Variants in TULP4 observed in about 807,000 individuals in gnomAD.
TULP4 encodes the protein TUB like protein 4.
In TULP4, 16 loss-of-function variants were observed where a neutral mutation model predicts 129.0. The observed-to-expected ratio is 0.12, with a 90% CI of 0.08 to 0.19. The LOEUF (loss-of-function observed/expected upper bound fraction) is 0.19, where lower values mean the gene tolerates loss of function less well. Among genes scored for constraint, TULP4 ranks in the 10% least tolerant of loss-of-function variants. The pLI is 1.00. For synonymous variants in TULP4, 998 were observed against 854.0 expected, an observed-to-expected ratio of 1.17 and a Z score of -2.94; for missense variants, 1,842 against 2,059.1, an observed-to-expected ratio of 0.89 and a Z score of 2.04.
At chr6:158,494,485 C>T (rs117307534) in intron 10 of TULP4, among the ~76,000 whole-genome samples, 5,811 of 152,210 alleles carry the variant, frequency 0.038, 155 homozygotes, top group South Asian at 0.075. Context: ...TCCCTTTCTA[C>T]GCCTCTTTAA....
upstream of TULP4, among the ~76,000 whole-genome samples, chr6:158,279,573 T>C (rs1393096664): frequency 1.3e-5 from 2 of 152,330 alleles, no homozygotes; most frequent in East Asian, 3.9e-4. Flanking sequence ...GCTTACATCG[T>C]ACAAAAATTA....
chr6:158,261,489 G>A (rs971069460), intron 1 of TULP4, among the ~76,000 whole-genome samples: 2 of 152,152 alleles, frequency 1.3e-5, no homozygotes, highest in South Asian at 2.1e-4. Flanking sequence ...GAGCAGTCTC[G>A]GAACCTCTTG....
At chr6:158,397,100 C>A (rs1383128970) in intron 1 of TULP4, among the ~76,000 whole-genome samples, 3 of 152,154 alleles carry the variant, frequency 2.0e-5, no homozygotes, top group African/African-American at 7.2e-5. Flanking sequence ...CAGAGGGAAT[C>A]CATGGGAAAT....
chr6:158,242,617 T>G, intron 1 of TULP4: 1 of 706,976 alleles, frequency 1.4e-6, no homozygotes, highest in Non-Finnish European at 2.6e-6. Flanking sequence ...TTGGTGCAAG[T>G]ATTGATGACA....
At chr6:158,474,680 A>G (rs1273723571) in intron 6 of TULP4, among the ~76,000 whole-genome samples, 3 of 152,204 alleles carry the variant, frequency 2.0e-5, no homozygotes, top group Non-Finnish European at 4.4e-5. Context: ...ATACTGAGAT[A>G]CAGGTTGAGT....
At chr6:158,260,291 CAGATATATTCTTTCTACCACATCCATGAT>C (rs1778327496) in intron 1 of TULP4, among the ~76,000 whole-genome samples, 1 of 152,204 alleles carries the variant, frequency 6.6e-6, no homozygotes, top group South Asian at 2.1e-4. Flanking sequence ...GGGCAAAACC[CAGATATATTCTTTCTACCACATCCATGAT>C]TTAGATAAAA....
At chr6:158,414,268 G>C (rs991943578) in intron 2 of TULP4, among the ~76,000 whole-genome samples, 1 of 152,170 alleles carries the variant, frequency 6.6e-6, no homozygotes, top group Non-Finnish European at 1.5e-5. Flanking sequence ...CCTGCCCCTT[G>C]ACCATTAACT....
At chr6:158,331,745 G>GTATATATATATATATA (rs1562523255) in intron 1 of TULP4, among the ~76,000 whole-genome samples, 1 of 15,738 alleles carries the variant, frequency 6.4e-5, no homozygotes, top group Non-Finnish European at 2.2e-4. Flanking sequence ...ATATATATAC[G>GTATATATATATATATA]TGTATATACA....
At position 158,293,255 on chromosome 6, in the gene TULP4, C is replaced by G. The variant is rs145327918; in HGVS notation, n.116+10877C>G. On this transcript the variant is annotated intron_variant and non_coding_transcript_variant, in intron 1 of 1. Transcript: ENST00000432358. ...TCTGAACTTGGCAGTGGACCTGTGG[C>G]CCTTGTGGCTTTTGCTCACAGGGCT... is the stretch of plus-strand genomic sequence containing the variant. Among the ~76,000 whole-genome samples, 567 of 152,326 alleles carry G rather than the reference C, an allele frequency of 3.7e-3. 4 individuals carry two copies. Among genetic ancestry groups the G allele is most frequent in the African/African-American group, 0.013 (540 of 41,570 alleles).
chr6:158,388,536 A>G (rs1777509423), intron 1 of TULP4, among the ~76,000 whole-genome samples: 1 of 151,324 alleles, frequency 6.6e-6, no homozygotes, highest in Non-Finnish European at 1.5e-5. Context: ...TCACCGTGTT[A>G]GCCAGGATGG....
At chr6:158,446,000 G>T (rs1779028834) in intron 3 of TULP4, among the ~76,000 whole-genome samples, 1 of 152,172 alleles carries the variant, frequency 6.6e-6, no homozygotes, top group South Asian at 2.1e-4. Context: ...AGGAGCACCA[G>T]CCCACTTAGA....
chr6:158,407,364 G>A (rs1051311796), intron 1 of TULP4, among the ~76,000 whole-genome samples: 1 of 152,210 alleles, frequency 6.6e-6, no homozygotes, highest in African/African-American at 2.4e-5. Context: ...ACAGGCAATA[G>A]CAAGTATTAG....
chr6:158,258,811 A>G (rs1778296747), intron 1 of TULP4, among the ~76,000 whole-genome samples: 1 of 152,260 alleles, frequency 6.6e-6, no homozygotes, highest in Admixed American at 6.5e-5. Flanking sequence ...CTTTTTTAGT[A>G]AAATAAATTA....
Position 158,502,023 on chromosome 6 carries a change from C to T in TULP4, c.2360C>T (p.Thr787Met), listed in dbSNP as rs150422279. 1,108 of 1,613,678 alleles carry T rather than the reference C, an allele frequency of 6.9e-4. No homozygotes were observed. Among genetic ancestry groups the T allele is most frequent in the Non-Finnish European group, 8.9e-4 (1,048 of 1,179,936 alleles). ...PPPQGPMQLS[T>M]VGHGDRDHEH... ...CCGCAGGGGCCCATGCAGCTGTCCA[C>T]GGTGGGCCATGGAGACCGAGACCAC... The change falls in exon 13 of 14, where the codon ACG (threonine) becomes ATG (methionine). Residue 787 changes from threonine to methionine, a missense_variant. Transcript: ENST00000367097.
intron 1 of TULP4, among the ~76,000 whole-genome samples, chr6:158,239,366 C>T (rs1389666566): frequency 1.8e-4 from 10 of 56,968 alleles, no homozygotes; most frequent in African/African-American, 3.2e-4. Context: ...GGGGGGCTGA[C>T]ACCCCCCACC....
upstream of TULP4, among the ~76,000 whole-genome samples, chr6:158,277,937 G>C (rs1399494171): frequency 6.6e-6 from 1 of 152,120 alleles, no homozygotes; most frequent in Non-Finnish European, 1.5e-5. Flanking sequence ...TTCACTCAGA[G>C]AGCATCATAT....
At chr6:158,312,246 A>G (rs144574000), upstream of TULP4, 455 of 397,398 alleles carry the variant, frequency 1.1e-3, 5 homozygotes, top group East Asian at 0.014. Context: ...ACTGATGAAA[A>G]TTAATTTAAG....
At chr6:158,346,511 C>A (rs1366805400) in intron 1 of TULP4, among the ~76,000 whole-genome samples, 3 of 152,186 alleles carry the variant, frequency 2.0e-5, no homozygotes, top group East Asian at 1.9e-4. Flanking sequence ...TTATTTTGAT[C>A]TTTGCTTTAT....
intron 8 of TULP4, among the ~76,000 whole-genome samples, chr6:158,483,202 T>C (rs1214049249): frequency 6.6e-6 from 1 of 152,190 alleles, no homozygotes; most frequent in African/African-American, 2.4e-5. Flanking sequence ...AAGATTTAAA[T>C]ACCTGATGAC....
Sources: gnomAD v4.1 joint callset for allele counts (sites outside exome capture counted in the v4.1 genomes callset) on GRCh38, gnomAD v4.1.1 for gene constraint, MANE v1.5 for transcripts, NCBI Gene and HGNC (gene_info 2026-07-23, HGNC 2026-07-21) for gene names.